SHQ1: variants seen among roughly 807,000 people sequenced by gnomAD.
The protein encoded by SHQ1 is SHQ1, H/ACA ribonucleoprotein assembly factor.
A neutral mutation model predicts 53.8 loss-of-function variants in SHQ1; 49 were observed. That is an observed-to-expected ratio of 0.91 (90% CI 0.72 to 1.16). SHQ1 has a LOEUF of 1.16. SHQ1 is among the 50% of genes most tolerant of loss of function. The pLI is 0.00. For synonymous variants in SHQ1, 243 were observed against 251.0 expected, an observed-to-expected ratio of 0.97 and a Z score of 0.30; for missense variants, 738 against 683.1, an observed-to-expected ratio of 1.08 and a Z score of -0.90.
At chr3:72,773,411 G>A (rs1705894703) in intron 10 of SHQ1, 1 of 436,196 alleles carries the variant, frequency 2.3e-6, no homozygotes, top group East Asian at 5.7e-5. Flanking sequence ...AGCAGTGGTG[G>A]TAGATGAGTG....
intron 10 of SHQ1, among the ~76,000 whole-genome samples, chr3:72,759,507 A>G (rs140218796): frequency 2.7e-4 from 41 of 152,322 alleles, no homozygotes; most frequent in African/African-American, 8.9e-4. Context: ...CCTGGCCAAC[A>G]TGGGGAAATC....
intron 10 of SHQ1, among the ~76,000 whole-genome samples, chr3:72,781,905 G>T (rs1706085312): frequency 6.6e-6 from 1 of 152,102 alleles, no homozygotes; most frequent in African/African-American, 2.4e-5. Context: ...GTCTATTACA[G>T]TTTTCCTATA....
chr3:72,833,572 G>GATAT (rs1190133860), intron 4 of SHQ1, among the ~76,000 whole-genome samples: 2 of 149,988 alleles, frequency 1.3e-5, no homozygotes, highest in Non-Finnish European at 3.0e-5. Context: ...TAGATAGATA[G>GATAT]AATTTTTACG....
chr3:72,749,018 A>C (rs1705312553), downstream of SHQ1, among the ~76,000 whole-genome samples: 4 of 152,176 alleles, frequency 2.6e-5, no homozygotes, highest in Non-Finnish European at 4.4e-5. Context: ...ATTTGAACAG[A>C]CACTTCCACA....
Position 72,812,674 on chromosome 3 carries a change from G to T in SHQ1, c.1057C>A (p.Leu353Met). ...AYRDTIKILQLGKSAVLKCLL... is the reference protein window; with the variant it reads ...AYRDTIKILQMGKSAVLKCLL... ...TGCAAGTACAGTAATATCTTACCCA[G>T]TTGCAATATCTTTATAGTGTCCCTG... Residue 353 changes from leucine (L) to methionine (M), a missense_variant, in exon 9 of 11, where the codon CTG (leucine) becomes ATG (methionine). Physicochemically the swap from Leu to Met is conservative, Grantham distance 15 (BLOSUM62 2). Transcript: ENST00000325599. 6.2e-7 allele frequency: 1 copy of T among 1,613,782 alleles called. No homozygotes were observed. The highest frequency in any genetic ancestry group is 1.1e-5 in the South Asian group (1 of 91,004).
At chr3:72,732,205 G>A in the SHQ1 span, among the ~76,000 whole-genome samples, 96,049 of 151,224 alleles carry the variant, frequency 0.64, 33,847 homozygotes, top group East Asian at 0.95. Flanking sequence ...AGGAAGCCCC[G>A]TGCAGGCCTG....
In SHQ1 at chr3:72,762,223, A is replaced by G. The variant is rs114391545; in HGVS notation, c.1182-11387T>C. Among the ~76,000 whole-genome samples, 430 of 152,354 alleles carry G rather than the reference A, an allele frequency of 2.8e-3. 1 individual carries two copies. The highest frequency in any genetic ancestry group is 5.0e-3 in the Non-Finnish European group (340 of 68,034). On this transcript the variant is annotated intron_variant, in intron 10 of 10. Transcript: ENST00000325599. ...TCGCTATGGCAACGCTAAATGCTGAAAAGAATGGCTCTCATAAGGTTTATC... is the reference window on the plus strand; with the variant it reads ...TCGCTATGGCAACGCTAAATGCTGAGAAGAATGGCTCTCATAAGGTTTATC...
intron 2 of SHQ1, among the ~76,000 whole-genome samples, chr3:72,843,058 C>A (rs1380050314): frequency 1.2e-4 from 17 of 146,620 alleles, no homozygotes; most frequent in African/African-American, 4.3e-4. Flanking sequence ...GCCTGGGCAA[C>A]AGAGCGAGAT....
chr3:72,772,156 G>T (rs1348485293), intron 10 of SHQ1, among the ~76,000 whole-genome samples: 5 of 152,030 alleles, frequency 3.3e-5, no homozygotes, highest in Admixed American at 3.3e-4. Context: ...GATTTAGTTG[G>T]GTTCGTCAGA....
chr3:72,833,495 T>TAGACAGAC (rs1353844648), intron 4 of SHQ1, among the ~76,000 whole-genome samples: 14 of 53,080 alleles, frequency 2.6e-4, no homozygotes, highest in African/African-American at 9.6e-4. Context: ...GATAGATAGA[T>TAGACAGAC]AGATAGACAG....
At chr3:72,754,031 A>G (rs572375976) in intron 10 of SHQ1, among the ~76,000 whole-genome samples, 10 of 152,216 alleles carry the variant, frequency 6.6e-5, no homozygotes, top group Non-Finnish European at 1.0e-4. Flanking sequence ...TCTAACTCTA[A>G]TACTAGAAAT....
intron 10 of SHQ1, among the ~76,000 whole-genome samples, chr3:72,788,226 G>A (rs1166073368): frequency 6.6e-6 from 1 of 151,834 alleles, no homozygotes; most frequent in African/African-American, 2.4e-5. Flanking sequence ...TCTGGGAAGT[G>A]AGGAGTGTCT....
At chr3:72,742,174 G>A in the SHQ1 span, among the ~76,000 whole-genome samples, 1 of 151,206 alleles carries the variant, frequency 6.6e-6, no homozygotes, top group Non-Finnish European at 1.5e-5. Flanking sequence ...CTCCAGCCTG[G>A]GCAACAGAGT....
chr3:72,751,535 T>TATACACACAA (rs1444853961), intron 10 of SHQ1, among the ~76,000 whole-genome samples: 1 of 139,926 alleles, frequency 7.1e-6, no homozygotes, highest in Non-Finnish European at 1.5e-5. Flanking sequence ...TATATACATA[T>TATACACACAA]ACATACACTA....
intron 10 of SHQ1, among the ~76,000 whole-genome samples, chr3:72,759,743 C>T (rs972261120): frequency 1.3e-5 from 2 of 152,050 alleles, no homozygotes; most frequent in Non-Finnish European, 2.9e-5. Flanking sequence ...AAACTACAAA[C>T]TACAAAAATA....
At chr3:72,784,193 C>T (rs961243495) in intron 10 of SHQ1, among the ~76,000 whole-genome samples, 1 of 151,240 alleles carries the variant, frequency 6.6e-6, no homozygotes, top group Admixed American at 6.6e-5. Context: ...CAAAAATATC[C>T]CATAAACCTT....
chr3:72,803,832 A>G (rs1338979566), intron 9 of SHQ1, among the ~76,000 whole-genome samples: 2 of 152,196 alleles, frequency 1.3e-5, no homozygotes, highest in African/African-American at 4.8e-5. Context: ...ATTTTTTTTC[A>G]ACGATTTAAA....
At chr3:72,765,558 T>TATATA (rs1491541493) in intron 10 of SHQ1, among the ~76,000 whole-genome samples, 8 of 63,458 alleles carry the variant, frequency 1.3e-4, no homozygotes, top group East Asian at 3.9e-4. Flanking sequence ...TATATATATA[T>TATATA]TTTTTTTTTT....
Position 72,799,420 on chromosome 3 carries a change from T to C in SHQ1, c.1061-6384A>G, listed in dbSNP as rs80270946. ...CTAATTTTCATATGTCATTTGACCA[T>C]AAAAAGAGAGAAGGAAGAAAAATTC... On this transcript the variant is annotated intron_variant, in intron 9 of 10. Transcript: ENST00000325599. Among the ~76,000 whole-genome samples, 781 of 152,206 alleles carry C rather than the reference T, an allele frequency of 5.1e-3. 10 individuals carry two copies. The highest frequency in any genetic ancestry group is 0.018 in the African/African-American group (752 of 41,544).
Sources: allele counts gnomAD v4.1 joint callset (sites outside exome capture counted in the v4.1 genomes callset), GRCh38; gene constraint gnomAD v4.1.1; transcripts MANE v1.5; gene names NCBI Gene and HGNC (gene_info 2026-07-23, HGNC 2026-07-21).